CHODL: variants seen among roughly 807,000 people sequenced by gnomAD.
CHODL encodes the protein transmembrane protein MT75.
CHODL carries 29 observed loss-of-function variants against 34.5 expected under a neutral mutation model. That is an observed-to-expected ratio of 0.84 (90% CI 0.63 to 1.15). The LOEUF is 1.15. Ranked by LOEUF, CHODL falls within the 50% of genes most tolerant of loss-of-function variation. CHODL has a pLI of 0.00. For missense variants in CHODL, 332 were observed against 332.5 expected (o/e 1.00, Z 0.01); for synonymous variants, 125 against 116.1 (o/e 1.08, Z -0.49).
intron 1 of CHODL, among the ~76,000 whole-genome samples, chr21:17,972,066 G>A (rs2063619507): frequency 6.6e-6 from 1 of 152,112 alleles, no homozygotes; most frequent in African/African-American, 2.4e-5. Context: ...AAGACCACAT[G>A]ATTATCTCAA....
chr21:18,224,024 C>T (rs1601168236), intron 2 of CHODL, among the ~76,000 whole-genome samples: 1 of 152,220 alleles, frequency 6.6e-6, no homozygotes, highest in East Asian at 1.9e-4. Context: ...TCTAAAACTA[C>T]TTTAAAGGGA....
At chr21:18,256,453 T>G (rs773865885) in intron 1 of CHODL, 56 bp from the exon 2 acceptor site, 15 of 1,460,324 alleles carry the variant, frequency 1.0e-5, no homozygotes, top group Non-Finnish European at 1.4e-5. Context: ...ATTCTTAGTG[T>G]TGTTACAAAT....
intron 1 of CHODL, among the ~76,000 whole-genome samples, chr21:17,937,595 T>C (rs967314935): frequency 6.6e-6 from 1 of 152,350 alleles, no homozygotes; most frequent in Middle Eastern, 3.4e-3. Flanking sequence ...AGATACATTT[T>C]ATATTCCTGT....
At chr21:18,055,639 G>C (rs1401003544) in intron 2 of CHODL, among the ~76,000 whole-genome samples, 1 of 151,996 alleles carries the variant, frequency 6.6e-6, no homozygotes, top group African/African-American at 2.4e-5. Context: ...GTGTGGACTA[G>C]GTTCTATGTC....
At chr21:18,092,363 A>G (rs2146531350) in intron 2 of CHODL, among the ~76,000 whole-genome samples, 1 of 152,328 alleles carries the variant, frequency 6.6e-6, no homozygotes, top group Non-Finnish European at 1.5e-5. Flanking sequence ...AAAGACAGGC[A>G]CAAACAAGCC....
At position 17,988,821 on chromosome 21, in the gene CHODL, A is replaced by C. The variant is rs191053304; in HGVS notation, c.-144-39051A>C. On this transcript the variant is annotated intron_variant, in intron 1 of 6. Transcript: ENST00000400127. ...CATTGTTGGACATTTGGGTTGGTTC[A>C]AAGTCTTTGCTATTGTGAATAATGC... 8.8e-3 allele frequency among the ~76,000 whole-genome samples: 1,330 copies of C among 151,904 alleles called. 32 individuals are homozygous for C. The highest frequency in any genetic ancestry group is 8.9e-3 in the Non-Finnish European group (604 of 67,942).
At chr21:17,926,027 A>G (rs1416968125) in intron 1 of CHODL, among the ~76,000 whole-genome samples, 5 of 152,230 alleles carry the variant, frequency 3.3e-5, no homozygotes, top group Non-Finnish European at 5.9e-5. Context: ...TCCAATAAGC[A>G]TAATGAGAAC....
chr21:18,042,923 T>C (rs1286741309), intron 2 of CHODL, among the ~76,000 whole-genome samples: 1 of 151,980 alleles, frequency 6.6e-6, no homozygotes, highest in Non-Finnish European at 1.5e-5. Flanking sequence ...TTTTTTTTGT[T>C]AACTAATTCA....
chr21:17,974,987 A>G (rs894087578), intron 1 of CHODL, among the ~76,000 whole-genome samples: 7 of 150,156 alleles, frequency 4.7e-5, no homozygotes. Context: ...AATATATGTA[A>G]AACCTATTGT....
chr21:17,918,342 G>A (rs2063157477), intron 1 of CHODL, among the ~76,000 whole-genome samples: 1 of 152,050 alleles, frequency 6.6e-6, no homozygotes, highest in Non-Finnish European at 1.5e-5. Context: ...AAAGACATGT[G>A]TGAGACTGGC....
intron 1 of CHODL, among the ~76,000 whole-genome samples, chr21:17,982,158 GC>G (rs1349849980): frequency 4.6e-5 from 7 of 152,098 alleles, no homozygotes; most frequent in Admixed American, 4.6e-4. Context: ...AAAACAACAG[GC>G]CTCTCTTATC....
At chr21:18,219,380 G>A (rs995593085) in intron 2 of CHODL, among the ~76,000 whole-genome samples, 2 of 152,052 alleles carry the variant, frequency 1.3e-5, no homozygotes, top group Admixed American at 6.6e-5. Flanking sequence ...GCAACATGGG[G>A]GTAATTGCCC....
chr21:18,112,116 G>A (rs2065358491), intron 2 of CHODL, among the ~76,000 whole-genome samples: 1 of 152,180 alleles, frequency 6.6e-6, no homozygotes, highest in Non-Finnish European at 1.5e-5. Context: ...GACTATAATA[G>A]TAATGATAAT....
At chr21:18,175,503 G>C (rs187349528) in intron 2 of CHODL, among the ~76,000 whole-genome samples, 4 of 152,048 alleles carry the variant, frequency 2.6e-5, no homozygotes, top group Non-Finnish European at 5.9e-5. Context: ...TGAGGCAGGA[G>C]AATTGCGTGA....
rs2073041283 is a variant in CHODL, at chr21:18,156,876, TC to T, written c.-44-99632del. On this transcript the variant is annotated intron_variant, in intron 2 of 6. Coordinates refer to the CHODL transcript ENST00000400127. ...TAGGAGGGAAGTCTGGGTCCTAGTG[TC>T]AGCTGATACTTGTTCACTCTCATGT... 2.0e-5 allele frequency among the ~76,000 whole-genome samples: 3 copies of T among 152,272 alleles called. No individual in the cohort carries two copies. The South Asian group carries it at 6.2e-4, about 32-fold the overall frequency.
intron 2 of CHODL, among the ~76,000 whole-genome samples, chr21:18,235,967 A>T (rs2074025024): frequency 6.6e-6 from 1 of 152,152 alleles, no homozygotes; most frequent in Non-Finnish European, 1.5e-5. Flanking sequence ...ATTAAGTAAG[A>T]TGAATCAATT....
At chr21:18,262,334 TAG>T (rs1194534705) in intron 4 of CHODL, among the ~76,000 whole-genome samples, 1 of 152,202 alleles carries the variant, frequency 6.6e-6, no homozygotes, top group Non-Finnish European at 1.5e-5. Flanking sequence ...GCGAACATCA[TAG>T]AGTGTACTTG....
intron 1 of CHODL, among the ~76,000 whole-genome samples, chr21:18,017,093 C>T (rs938470369): frequency 6.6e-6 from 1 of 152,132 alleles, no homozygotes; most frequent in Non-Finnish European, 1.5e-5. Flanking sequence ...TGAGACTTTG[C>T]AATTGGACTT....
intron 1 of CHODL, among the ~76,000 whole-genome samples, chr21:18,004,707 C>G (rs1267677681): frequency 6.6e-6 from 1 of 152,106 alleles, no homozygotes; most frequent in East Asian, 1.9e-4. Flanking sequence ...CCATACACTA[C>G]TTTATAGATA....
Sources: allele counts gnomAD v4.1 joint callset (sites outside exome capture counted in the v4.1 genomes callset), GRCh38; gene constraint gnomAD v4.1.1; transcripts MANE v1.5; gene names NCBI Gene and HGNC (gene_info 2026-07-23, HGNC 2026-07-21).